The following LFNG variants were observed in gnomAD, a reference collection of about 807,000 sequenced individuals.
The protein encoded by LFNG is beta-1,3-N-acetylglucosaminyltransferase lunatic fringe.
Under a neutral mutation model 32.7 loss-of-function variants are expected in LFNG, and 15 were observed. The observed-to-expected ratio is 0.46, with a 90% confidence interval of 0.31 to 0.71. The LOEUF is 0.71. Ranked by LOEUF, LFNG falls within the 30% of genes least tolerant of loss-of-function variation. The probability of loss-of-function intolerance (pLI) is 0.06; values close to 1 mark genes in which losing one functional copy is unlikely to be tolerated. For synonymous variants in LFNG, 274 were observed against 246.8 expected (o/e 1.11, Z -1.03); for missense variants, 520 against 545.7 (o/e 0.95, Z 0.47).
At chr7:2,522,566 T>TC (rs1032645287) in intron 1 of LFNG, among the ~76,000 whole-genome samples, 3 of 120,338 alleles carry the variant, frequency 2.5e-5, no homozygotes, top group African/African-American at 7.7e-5. Context: ...CCTGTGGGTG[T>TC]CCCCCGGCCC....
chr7:2,524,534 C>G, intron 1 of LFNG, 161 bp from the exon 2 acceptor site: 1 of 719,386 alleles, frequency 1.4e-6, no homozygotes, highest in South Asian at 1.6e-5. Context: ...CACTTGAGCC[C>G]TTCTCAGCAC....
At chr7:2,522,448 C>A (rs1271120155) in intron 1 of LFNG, among the ~76,000 whole-genome samples, 1 of 152,200 alleles carries the variant, frequency 6.6e-6, no homozygotes, top group Non-Finnish European at 1.5e-5. Context: ...CCCCGCCCCT[C>A]CCAGGAGCAG....
In LFNG at chr7:2,528,160, T is replaced by C. The variant is rs1780052836; in HGVS notation, c.*948T>C. ...CCAAACTCGGGGTCATCTTTGTTTT[T>C]AAAGCTGAAGTGGGACTGTCTGGCA... is the stretch of plus-strand genomic sequence containing the variant. On this transcript the variant is annotated 3_prime_UTR_variant, in exon 8 of 8. Coordinates refer to ENST00000222725, the MANE Select transcript of LFNG (RefSeq NM_001040167.2). 1.0e-6 allele frequency: 1 copy of C among 985,614 alleles called. No homozygotes were observed. The highest frequency in any genetic ancestry group is 1.2e-6 in the Non-Finnish European group (1 of 829,916). The allele number at this position is 985,614 out of a possible 1,614,324, so 61.1% of individuals were successfully genotyped here.
Position 2,528,057 on chromosome 7 carries a change from G to GA in LFNG, c.*845_*846insA. 2 of 865,054 alleles carry GA rather than the reference G, an allele frequency of 2.3e-6. No homozygotes were observed. The highest frequency in any genetic ancestry group is 2.7e-6 in the Non-Finnish European group (2 of 743,802). 53.6% of individuals were successfully genotyped at this position (865,054 alleles called of 1,614,324 possible). ...GATGGGTAAAAAGTAGGGTGTTCTT[G>GA]TTTTTTGCTTGGGAGGGTGGGGGTG... On this transcript the variant is annotated 3_prime_UTR_variant, in exon 8 of 8. Transcript: ENST00000222725.
upstream of LFNG, among the ~76,000 whole-genome samples, chr7:2,517,193 C>G (rs1020642952): frequency 3.8e-4 from 58 of 152,022 alleles, no homozygotes; most frequent in African/African-American, 1.4e-3. Flanking sequence ...GCGGGGGTGG[C>G]TAGGCGGGCC....
At position 2,524,716 on chromosome 7, in the gene LFNG, G is replaced by A. The variant is rs780179516; in HGVS notation, c.454G>A (p.Glu152Lys). The change falls in exon 2 of 8, where the codon GAA becomes AAA. Residue 152 changes from glutamate to lysine, a missense_variant. Physicochemically the swap from Glu to Lys is moderately conservative, Grantham distance 56. This residue lies in a region of LFNG where 360 missense variants were observed against 354.7 expected (regional missense o/e 1.01). Transcript: ENST00000222725. Reference sequence around the variant, plus strand: ...CCAGACGTTCATCTTCACTGACGGGGAAGATGAGGCCCTGGCCAGGCACAC... The same window carrying A: ...CCAGACGTTCATCTTCACTGACGGGAAAGATGAGGCCCTGGCCAGGCACAC... The part of the protein sequence containing the change: ...KEMTFIFTDG[E>K]DEALARHTGN... 3.8e-6 allele frequency: 6 copies of A among 1,590,168 alleles called. No homozygotes were observed. In the South Asian group the frequency reaches 6.9e-5, roughly 18 times the overall value.
At position 2,519,805 on chromosome 7, in the gene LFNG, G is replaced by A. The variant is rs906858134; in HGVS notation, c.-57G>A. ...CTGCGCCGCCGGAGCGACGGGCTTCGGGTCGGTGCAAGGCAGGCGCACGGG... is the reference window on the plus strand; with the variant it reads ...CTGCGCCGCCGGAGCGACGGGCTTCAGGTCGGTGCAAGGCAGGCGCACGGG... On this transcript the variant is annotated 5_prime_UTR_variant, in exon 1 of 8. Coordinates refer to ENST00000222725, the MANE Select transcript of LFNG (RefSeq NM_001040167.2). The A allele has an allele frequency of 2.0e-6, 2 of 994,490 alleles. No homozygotes were observed. The highest frequency in any genetic ancestry group is 4.6e-5 in the South Asian group (1 of 21,756). 61.6% of individuals were successfully genotyped at this position (994,490 alleles called of 1,614,324 possible).
At chr7:2,513,456 G>T, upstream of LFNG, 1 of 1,098,824 alleles carries the variant, frequency 9.1e-7, no homozygotes, top group Non-Finnish European at 1.3e-6. Flanking sequence ...TGGTAGCGAT[G>T]GGGAGCCTGG....
Position 2,526,303 on chromosome 7 carries a change from G to GCTACATC in LFNG, c.882_888dup (p.Val297LeufsTer44). On this transcript the variant is annotated frameshift_variant, in exon 6 of 8. Transcript: ENST00000222725. LOFTEE classifies it high-confidence loss of function. This position sits in a 1 kb window ranked among gnomAD's most constrained non-coding sequence, Gnocchi z 6.9. ...CGGCTGCCTGATGACTGCACCATCG[G>GCTACATC]CTACATCGTGGAGGCCCTGCTGGGT... 6.2e-7 allele frequency: 1 copy of GCTACATC among 1,612,914 alleles called. No individual in the cohort carries two copies. Among genetic ancestry groups the GCTACATC allele is most frequent in the Non-Finnish European group, 8.5e-7 (1 of 1,179,964 alleles).
rs775693633 is a variant in LFNG, at chr7:2,525,338, A to T, written c.581+20A>T. The T allele has an allele frequency of 1.2e-6, 2 of 1,611,490 alleles. No individual in the cohort carries two copies. The highest frequency in any genetic ancestry group is 1.7e-6 in the Non-Finnish European group (2 of 1,179,292). On this transcript the variant is annotated intron_variant, in intron 3 of 7. Transcript: ENST00000222725. ...CAGGAAGTGAGTGTGGCCCCGGGGG[A>T]CCCCCATCTCCCTGCCCGAGCCTGG... is the stretch of plus-strand genomic sequence containing the variant.
At chr7:2,525,874 G>T in intron 5 of LFNG, 104 bp downstream of exon 5, 1 of 971,222 alleles carries the variant, frequency 1.0e-6, no homozygotes, top group Non-Finnish European at 1.6e-6. Context: ...CCAGCCTCCT[G>T]TGTGGCACTG....
chr7:2,514,816 GTCCATCCATCCA>G (rs5881928), upstream of LFNG, among the ~76,000 whole-genome samples: 8 of 111,306 alleles, frequency 7.2e-5, no homozygotes, highest in Non-Finnish European at 1.4e-4. Flanking sequence ...CGGTCTGTCT[GTCCATCCATCCA>G]TCCATCCATC....
chr7:2,526,961 C>T lies in LFNG; in HGVS notation c.1073+40C>T, dbSNP rs747044281. ...GCCCAGATGGGCTTGCGTAGGGTGG[C>T]CTAGGGGCGTCAGGGGGCCTCGTGG... is the stretch of plus-strand genomic sequence containing the variant. On this transcript the variant is annotated intron_variant, in intron 7 of 7. Transcript: ENST00000222725. The surrounding 1 kb of genome is among the most constrained non-coding windows in gnomAD (Gnocchi z 6.9). 1.0e-5 allele frequency: 16 copies of T among 1,586,452 alleles called. No homozygotes were observed. Among genetic ancestry groups the T allele is most frequent in the African/African-American group, 1.3e-5 (1 of 74,252 alleles).
At chr7:2,521,916 C>G (rs1779802953) in intron 1 of LFNG, among the ~76,000 whole-genome samples, 1 of 152,340 alleles carries the variant, frequency 6.6e-6, no homozygotes, top group African/African-American at 2.4e-5. Flanking sequence ...CCATCACTCC[C>G]TTGAGCCCTG....
chr7:2,520,379 C>T lies in LFNG; in HGVS notation c.432+86C>T. 2.4e-6 allele frequency: 3 copies of T among 1,233,760 alleles called. No homozygotes were observed. Among genetic ancestry groups the T allele is most frequent in the Non-Finnish European group, 3.4e-6 (3 of 880,788 alleles). The allele number at this position is 1,233,760 out of a possible 1,614,324, so 76.4% of individuals were successfully genotyped here. A position where few individuals can be genotyped will look rare whatever the true frequency, so the allele number is the denominator to read the frequency against. ...GCTGGTGGCAGTGTCCCATGGGAGTCAGGCTGCATCCCCATCCAGCCACTA... is the reference window on the plus strand; with the variant it reads ...GCTGGTGGCAGTGTCCCATGGGAGTTAGGCTGCATCCCCATCCAGCCACTA... On this transcript the variant is annotated intron_variant, in intron 1 of 7. Coordinates refer to ENST00000222725, the MANE Select transcript of LFNG (RefSeq NM_001040167.2). The surrounding 1 kb of genome is among the most constrained non-coding windows in gnomAD (Gnocchi z 5.0).
chr7:2,524,109 A>T (rs1583275002), intron 1 of LFNG, among the ~76,000 whole-genome samples: 1 of 152,286 alleles, frequency 6.6e-6, no homozygotes, highest in East Asian at 1.9e-4. Flanking sequence ...CCCAGGACAA[A>T]GCTGGCGGAC....
In LFNG at chr7:2,520,034, G is replaced by GGGCGGC. The variant is rs908694395; in HGVS notation, c.184_189dup (p.Ala62_Ala63dup). 17 of 1,049,120 alleles carry GGGCGGC rather than the reference G, an allele frequency of 1.6e-5. No homozygotes were observed. In the Admixed American group the frequency reaches 5.6e-4, roughly 35 times the overall value. The allele number at this position is 1,049,120 out of a possible 1,614,324, so 65.0% of individuals were successfully genotyped here. ...GGGGCTGCCCCGGCGCCCGGGCTGG[G>GGGCGGC]GGCGGCGGCGGCGGCGCCCGGGGCG... On this transcript the variant is annotated inframe_insertion, in exon 1 of 8. Coordinates refer to ENST00000222725, the MANE Select transcript of LFNG (RefSeq NM_001040167.2). The surrounding 1 kb of genome is among the most constrained non-coding windows in gnomAD (Gnocchi z 5.0).
chr7:2,528,515 C>T (rs1212319939), downstream of LFNG: 2 of 754,940 alleles, frequency 2.6e-6, no homozygotes, highest in African/African-American at 1.9e-5. Flanking sequence ...GAAGGGGAGG[C>T]TTGGCCTTGG....
chr7:2,528,841 TCACAGAGTC>T, downstream of LFNG: 1 of 609,780 alleles, frequency 1.6e-6, no homozygotes. Flanking sequence ...TGCCACGAGC[TCACAGAGTC>T]CACATCATCG....
Sources: gnomAD v4.1 joint callset for allele counts (sites outside exome capture counted in the v4.1 genomes callset) on GRCh38, gnomAD v4.1.1 for gene constraint, gnomAD v4.1.1 regional missense constraint, Gnocchi (gnomAD v3.1) non-coding constraint, MANE v1.5 for transcripts, NCBI Gene and HGNC (gene_info 2026-07-23, HGNC 2026-07-21) for gene names.